PLEKHM1: variants seen among roughly 807,000 people sequenced by gnomAD.
PLEKHM1 encodes the protein pleckstrin homology and RUN domain containing M1.
PLEKHM1 carries 28 observed loss-of-function variants against 94.3 expected under a neutral mutation model. The observed-to-expected ratio is 0.30, with a 90% CI of 0.22 to 0.41. The LOEUF (loss-of-function observed/expected upper bound fraction) is 0.41. Among genes scored for constraint, PLEKHM1 ranks in the 10% least tolerant of loss-of-function variants. PLEKHM1 has a pLI of 1.00. For synonymous variants in PLEKHM1, 424 were observed against 581.2 expected, an observed-to-expected ratio of 0.73 and a Z score of 3.89; for missense variants, 907 against 1,358.6, an observed-to-expected ratio of 0.67 and a Z score of 5.22.
At chr17:45,463,623 C>A (rs909649872) in intron 5 of PLEKHM1, 1 of 152,304 alleles carries the variant, frequency 6.6e-6, no homozygotes, top group Non-Finnish European at 1.5e-5. Flanking sequence ...AAACTCCCGA[C>A]TTCAGGTGAT....
chr17:45,458,064 G>C, intron 6 of PLEKHM1, 105 bp downstream of exon 6: 1 of 822,670 alleles, frequency 1.2e-6, no homozygotes, highest in Non-Finnish European at 2.0e-6. Flanking sequence ...ACACTTGTGG[G>C]AACACACTAC....
At chr17:45,487,197 T>C (rs1240135061) in intron 1 of PLEKHM1, among the ~76,000 whole-genome samples, 2 of 152,202 alleles carry the variant, frequency 1.3e-5, no homozygotes, top group African/African-American at 4.8e-5. Flanking sequence ...TTCATTCGCC[T>C]TCACATAGCT....
At chr17:45,465,954 A>G (rs1055725658) in intron 5 of PLEKHM1, among the ~76,000 whole-genome samples, 1 of 152,096 alleles carries the variant, frequency 6.6e-6, no homozygotes, top group Non-Finnish European at 1.5e-5. Context: ...CTGCATCCCC[A>G]GCAGACGTCA....
chr17:45,440,403 C>G, intron 9 of PLEKHM1, 177 bp from the exon 10 acceptor site: 2 of 680,916 alleles, frequency 2.9e-6, no homozygotes, highest in East Asian at 5.4e-5. Context: ...TTCAACGTAA[C>G]TAACTAGCTG....
intron 6 of PLEKHM1, among the ~76,000 whole-genome samples, chr17:45,457,907 T>C (rs531934567): frequency 3.9e-4 from 60 of 152,240 alleles, no homozygotes; most frequent in Non-Finnish European, 7.2e-4. Flanking sequence ...ATAAATTGCA[T>C]AGTTTTCAGG....
chr17:45,458,696 C>G (rs1005026579), intron 5 of PLEKHM1, among the ~76,000 whole-genome samples: 1 of 151,578 alleles, frequency 6.6e-6, no homozygotes, highest in African/African-American at 2.4e-5. Context: ...GTCTAGAACT[C>G]CTGACTTCAG....
chr17:45,444,026 G>C lies in PLEKHM1; in HGVS notation c.2837+1444C>G. On this transcript the variant is annotated intron_variant, in intron 9 of 11. Coordinates refer to ENST00000430334, the MANE Select transcript of PLEKHM1 (RefSeq NM_014798.3). The surrounding 1 kb of genome is among the most constrained non-coding windows in gnomAD (Gnocchi z 5.0). Reference sequence around the variant, plus strand: ...CAAATTCTCCTCTCTGCCTAGGGGAGAGCCCCCTGCAGTACCCCTTGAGAG... The same window carrying C: ...CAAATTCTCCTCTCTGCCTAGGGGACAGCCCCCTGCAGTACCCCTTGAGAG... Among the ~76,000 whole-genome samples, 1 of 152,168 alleles carries C rather than the reference G, an allele frequency of 6.6e-6. No individual in the cohort carries two copies. The highest frequency in any genetic ancestry group is 2.1e-4 in the South Asian group (1 of 4,834).
intron 10 of PLEKHM1, 167 bp downstream of exon 10, chr17:45,439,996 C>A: frequency 1.4e-6 from 1 of 697,304 alleles, no homozygotes; most frequent in Non-Finnish European, 2.6e-6. Flanking sequence ...TCCGTCCCTG[C>A]CCAGGAAGCT....
Position 45,453,026 on chromosome 17 carries a change from TG to T in PLEKHM1, c.2497+328del. ...TTGGAAGGAAACCATGCCCCTGCTCTGAAAGAACAGGACGGTAGAGCAAGAA... is the reference window on the plus strand; with the variant it reads ...TTGGAAGGAAACCATGCCCCTGCTCTAAAGAACAGGACGGTAGAGCAAGAA... On this transcript the variant is annotated intron_variant, in intron 7 of 11. Coordinates refer to ENST00000430334, the MANE Select transcript of PLEKHM1 (RefSeq NM_014798.3). This position sits in a 1 kb window ranked among gnomAD's most constrained non-coding sequence, Gnocchi z 4.1. 1 of 529,806 alleles carries T rather than the reference TG, an allele frequency of 1.9e-6. No homozygotes were observed. The allele number at this position is 529,806 out of a possible 1,614,324, so 32.8% of individuals were successfully genotyped here.
intron 3 of PLEKHM1, among the ~76,000 whole-genome samples, chr17:45,476,566 C>A (rs911517670): frequency 1.3e-5 from 2 of 152,166 alleles, no homozygotes; most frequent in African/African-American, 4.8e-5. Context: ...AGCTGTGCAC[C>A]AGAACCCCCT....
rs143853316 is a variant in PLEKHM1 at position 45,490,140 on chromosome 17, G to T, written c.-42+512C>A. On this transcript the variant is annotated intron_variant, in intron 1 of 11. Coordinates refer to ENST00000430334, the MANE Select transcript of PLEKHM1 (RefSeq NM_014798.3). ...GGGGGTGGGTCTTAGATGAGAGGGC[G>T]GAGGTAGAATGTTTGGGATGAGCAG... Among the ~76,000 whole-genome samples the T allele has an allele frequency of 8.4e-3, 1,272 of 152,186 alleles. 13 individuals carry two copies. The highest frequency in any genetic ancestry group is 0.028 in the African/African-American group (1,173 of 41,498).
At chr17:45,449,270 CCCAGCCATCTACCCACCGT>C (rs1252563656) in intron 8 of PLEKHM1, among the ~76,000 whole-genome samples, 3 of 151,768 alleles carry the variant, frequency 2.0e-5, no homozygotes, top group African/African-American at 7.3e-5. Context: ...CACCCATCCA[CCCAGCCATCTACCCACCGT>C]CCACCCATCT....
intron 1 of PLEKHM1, among the ~76,000 whole-genome samples, chr17:45,484,442 G>A (rs1382104821): frequency 2.0e-5 from 3 of 151,994 alleles, no homozygotes; most frequent in Non-Finnish European, 4.4e-5. Flanking sequence ...AACTCTTTAG[G>A]CAAAGTTTAA....
chr17:45,480,608 C>A (rs2051922663), intron 2 of PLEKHM1, among the ~76,000 whole-genome samples: 1 of 152,206 alleles, frequency 6.6e-6, no homozygotes, highest in Non-Finnish European at 1.5e-5. Context: ...GAAGTGAATG[C>A]AGTCACTAAT....
chr17:45,460,217 G>C (rs1447222996), intron 5 of PLEKHM1: 1 of 152,156 alleles, frequency 6.6e-6, no homozygotes, highest in Admixed American at 6.6e-5. Context: ...TTCTTCCTTA[G>C]ATTCTCCAGA....
At chr17:45,487,119 CA>C (rs1204169160) in intron 1 of PLEKHM1, among the ~76,000 whole-genome samples, 1 of 152,186 alleles carries the variant, frequency 6.6e-6, no homozygotes, top group Non-Finnish European at 1.5e-5. Context: ...GAAATCTTAG[CA>C]GGGGAAAGGT....
At position 45,468,636 on chromosome 17, in the gene PLEKHM1, C is replaced by T. The variant is rs200798377; in HGVS notation, c.924-43G>A. 1.1e-4 allele frequency: 174 copies of T among 1,606,828 alleles called. 3 individuals are homozygous for T. The South Asian group carries it at 1.4e-3, about 13-fold the overall frequency. ...AGAAACCTGTGTGACAGGTTGTCTG[C>T]GATAATGCCCAAGGCAACTGGGGCA... is the stretch of plus-strand genomic sequence containing the variant. On this transcript the variant is annotated intron_variant, in intron 4 of 11. Coordinates refer to ENST00000430334, the MANE Select transcript of PLEKHM1 (RefSeq NM_014798.3).
chr17:45,484,772 G>C (rs1289087157), intron 1 of PLEKHM1, among the ~76,000 whole-genome samples: 6 of 152,170 alleles, frequency 3.9e-5, no homozygotes, highest in Non-Finnish European at 5.9e-5. Context: ...TTCGCTGGGG[G>C]CCGGGAACAG....
chr17:45,464,741 C>T (rs2051267110), intron 5 of PLEKHM1, among the ~76,000 whole-genome samples: 1 of 152,216 alleles, frequency 6.6e-6, no homozygotes, highest in Non-Finnish European at 1.5e-5. Context: ...CTGTAGCTGG[C>T]ACAGAGGCAG....
Sources: gnomAD v4.1 joint callset for allele counts (sites outside exome capture counted in the v4.1 genomes callset) on GRCh38, gnomAD v4.1.1 for gene constraint, Gnocchi (gnomAD v3.1) non-coding constraint, MANE v1.5 for transcripts, NCBI Gene and HGNC (gene_info 2026-07-23, HGNC 2026-07-21) for gene names.